Variants in TAMM41 observed in about 807,000 individuals in gnomAD.
TAMM41 encodes phosphatidate cytidylyltransferase, mitochondrial.
In TAMM41, 36 loss-of-function variants were observed where a neutral mutation model predicts 44.1. The observed-to-expected ratio is 0.82, with a 90% CI of 0.63 to 1.08. The LOEUF (loss-of-function observed/expected upper bound fraction) is 1.08, where lower values mean the gene tolerates loss of function less well. Among genes scored for constraint, TAMM41 ranks in the 50% least tolerant of loss-of-function variants. The probability of loss-of-function intolerance (pLI) is 0.00; values close to 1 mark genes in which losing one functional copy is unlikely to be tolerated. For missense variants in TAMM41, 417 were observed against 404.3 expected (o/e 1.03, Z -0.27); for synonymous variants, 164 against 153.1 (o/e 1.07, Z -0.53).
At chr3:11,753,924 G>A in the TAMM41 span, among the ~76,000 whole-genome samples, 1 of 152,136 alleles carries the variant, frequency 6.6e-6, no homozygotes, top group Non-Finnish European at 1.5e-5. Context: ...ATCCCACTGA[G>A]TGCTTCAGGA....
chr3:11,790,984 C>CACCT (rs1346220765), intron 7 of TAMM41, among the ~76,000 whole-genome samples: 3 of 152,200 alleles, frequency 2.0e-5, no homozygotes, highest in Non-Finnish European at 4.4e-5. Context: ...CTGTGAAAGG[C>CACCT]ACCTGTCTGA....
At chr3:11,744,869 A>ATT in the TAMM41 span, among the ~76,000 whole-genome samples, 1,854 of 148,064 alleles carry the variant, frequency 0.013, 34 homozygotes, top group African/African-American at 0.038. Context: ...TCTACAGGTA[A>ATT]TTTTTTTTTT....
At chr3:11,844,609 G>A (rs1311464148) in intron 1 of TAMM41, among the ~76,000 whole-genome samples, 2 of 152,328 alleles carry the variant, frequency 1.3e-5, no homozygotes, top group East Asian at 1.9e-4. Context: ...TCCAAACTGT[G>A]TGTGCTGAAC....
At chr3:11,803,387 C>T (rs2077810679) in intron 7 of TAMM41, among the ~76,000 whole-genome samples, 1 of 151,342 alleles carries the variant, frequency 6.6e-6, no homozygotes, top group African/African-American at 2.4e-5. Flanking sequence ...GTTGCTCTGT[C>T]TCACAAAAAA....
chr3:11,826,158 G>A (rs978673278), intron 4 of TAMM41, among the ~76,000 whole-genome samples: 7 of 152,090 alleles, frequency 4.6e-5, no homozygotes, highest in Non-Finnish European at 8.8e-5. Flanking sequence ...TCAACCTGAG[G>A]AAAACCCATC....
chr3:11,798,425 C>T (rs1388556176), intron 7 of TAMM41, among the ~76,000 whole-genome samples: 10 of 152,088 alleles, frequency 6.6e-5, no homozygotes, highest in Non-Finnish European at 1.5e-5. Context: ...CATATTCTCA[C>T]TTACAAGTAG....
intron 7 of TAMM41, among the ~76,000 whole-genome samples, chr3:11,790,991 C>A (rs1412336678): frequency 6.6e-6 from 1 of 152,238 alleles, no homozygotes; most frequent in African/African-American, 2.4e-5. Flanking sequence ...AGGCACCTGT[C>A]TGACTATGAC....
chr3:11,817,731 T>C lies in TAMM41; in HGVS notation c.563-394A>G, dbSNP rs557234217. ...GTGCACCATCACTGTAGACTTGTCC[T>C]TGCCATTGCTTCCTCATCGTTGACC... On this transcript the variant is annotated intron_variant, in intron 4 of 7. Coordinates refer to ENST00000455809, the MANE Select transcript of TAMM41 (RefSeq NM_001284401.2). Among the ~76,000 whole-genome samples the C allele has an allele frequency of 7.9e-5, 12 of 152,322 alleles. No individual in the cohort carries two copies. In the South Asian group the frequency reaches 2.5e-3, roughly 32 times the overall value.
the TAMM41 span, among the ~76,000 whole-genome samples, chr3:11,759,087 G>C: frequency 1.3e-5 from 2 of 152,136 alleles, no homozygotes; most frequent in South Asian, 4.2e-4. Flanking sequence ...AATTATTTAA[G>C]AGCAATAATT....
At chr3:11,799,157 C>T (rs957218042) in intron 7 of TAMM41, among the ~76,000 whole-genome samples, 7 of 152,192 alleles carry the variant, frequency 4.6e-5, no homozygotes, top group African/African-American at 1.7e-4. Flanking sequence ...GTACTCTAGC[C>T]TGGGCTAGAA....
intron 5 of TAMM41, among the ~76,000 whole-genome samples, chr3:11,814,516 G>C (rs888511506): frequency 6.6e-6 from 1 of 151,666 alleles, no homozygotes; most frequent in Admixed American, 6.6e-5. Flanking sequence ...GAGAGAGAGA[G>C]AGAGAAAGGA....
intron 7 of TAMM41, among the ~76,000 whole-genome samples, chr3:11,791,146 T>C (rs1322205667): frequency 3.3e-5 from 5 of 152,186 alleles, no homozygotes; most frequent in Non-Finnish European, 7.4e-5. Flanking sequence ...GTGGGCCGAT[T>C]CACCCACGCC....
chr3:11,796,274 A>G (rs1436670271), intron 7 of TAMM41, among the ~76,000 whole-genome samples: 1 of 152,246 alleles, frequency 6.6e-6, no homozygotes, highest in East Asian at 1.9e-4. Flanking sequence ...ATCTAAATTT[A>G]TAAAGCACCT....
chr3:11,766,014 G>T, the TAMM41 span, among the ~76,000 whole-genome samples: 30 of 152,164 alleles, frequency 2.0e-4, no homozygotes, highest in African/African-American at 6.7e-4. Flanking sequence ...AGTCAATAAA[G>T]ATTTTTGCTC....
intron 5 of TAMM41, chr3:11,811,096 C>T (rs1303375616): frequency 1.3e-5 from 2 of 151,802 alleles, no homozygotes; most frequent in African/African-American, 4.8e-5. Context: ...AAGTATATAC[C>T]AAATACCTGA....
At chr3:11,840,590 G>A (rs1020150320) in intron 2 of TAMM41, among the ~76,000 whole-genome samples, 16 of 151,882 alleles carry the variant, frequency 1.1e-4, no homozygotes, top group Admixed American at 6.6e-4. Context: ...TTGTCCATGC[G>A]ACAGGCAGGA....
the TAMM41 span, among the ~76,000 whole-genome samples, chr3:11,770,158 A>G: frequency 5.9e-5 from 9 of 152,254 alleles, no homozygotes; most frequent in African/African-American, 2.2e-4. Flanking sequence ...AGCGAGAAGC[A>G]GGTGCCTCTT....
intron 6 of TAMM41, chr3:11,809,114 G>A: frequency 3.5e-6 from 1 of 288,246 alleles, no homozygotes; most frequent in Admixed American, 5.3e-5. Context: ...AACAATGTAT[G>A]AGACACATCA....
At chr3:11,764,104 A>G in the TAMM41 span, among the ~76,000 whole-genome samples, 1 of 151,994 alleles carries the variant, frequency 6.6e-6, no homozygotes, top group African/African-American at 2.4e-5. Flanking sequence ...CCCAGGCTCA[A>G]GCGATCCTCC....
Sources: gnomAD v4.1 joint callset for allele counts (sites outside exome capture counted in the v4.1 genomes callset) on GRCh38, gnomAD v4.1.1 for gene constraint, MANE v1.5 for transcripts, NCBI Gene and HGNC (gene_info 2026-07-23, HGNC 2026-07-21) for gene names.